The following ITSN2 variants were observed in gnomAD, a reference collection of about 807,000 sequenced individuals.
ITSN2 encodes intersectin-2.
ITSN2 carries 156 observed loss-of-function variants against 243.7 expected under a neutral mutation model. The ratio of observed to expected loss-of-function variants is 0.64; its 90% CI spans 0.56 to 0.73. The LOEUF (loss-of-function observed/expected upper bound fraction) is 0.73, where lower values mean the gene tolerates loss of function less well. Ranked by LOEUF, ITSN2 falls within the 30% of genes least tolerant of loss-of-function variation. The pLI, the probability that ITSN2 is intolerant of heterozygous loss-of-function variation, is 0.00. For missense variants in ITSN2, 1,801 were observed against 1,996.1 expected (o/e 0.90, Z 1.86); for synonymous variants, 703 against 699.9 (o/e 1.00, Z -0.07).
Position 24,261,678 on chromosome 2 carries a change from C to G in ITSN2, c.2420G>C (p.Trp807Ser), listed in dbSNP as rs757448690. 1 of 1,613,404 alleles carries G rather than the reference C, an allele frequency of 6.2e-7. No individual in the cohort carries two copies. ...LYGSFQGNFGWFPCNYVEKMP... is the reference protein window; with the variant it reads ...LYGSFQGNFGSFPCNYVEKMP... ...TTTTTCTACATAATTGCATGGAAAC[C>G]AGCCAAAATTTCCTTGAAAACTACC... The change falls in exon 21 of 40, where the codon TGG becomes TCG. Residue 807 changes from tryptophan (W) to serine (S), a missense_variant. By Grantham distance (177) the Trp-to-Ser change is radical. Transcript: ENST00000355123.
intron 29 of ITSN2, among the ~76,000 whole-genome samples, chr2:24,229,848 A>T (rs1369874815): frequency 6.6e-6 from 1 of 151,302 alleles, no homozygotes; most frequent in Non-Finnish European, 1.5e-5. Context: ...CCAGGTCACC[A>T]CCTCTCCTCT....
At position 24,284,819 on chromosome 2, in the gene ITSN2, G is replaced by A; in HGVS notation, c.1888C>T (p.Leu630Phe). 6.3e-7 allele frequency: 1 copy of A among 1,597,314 alleles called. No homozygotes were observed. Among genetic ancestry groups the A allele is most frequent in the Non-Finnish European group, 8.6e-7 (1 of 1,168,544 alleles). Residue 630 changes from leucine (L) to phenylalanine (F), a missense_variant, in exon 17 of 40, where the codon CTT (leucine) becomes TTT (phenylalanine). Transcript: ENST00000355123. The stretch of plus-strand genomic sequence containing the variant: ...CTTAGCAGAGACAAAAGGCACTGAA[G>A]AACAGAGTCATCCATATTCCCACAC... ...LKCGNMDDSV[L>F]QCLLSLLSCL...
At chr2:24,203,957 G>T (rs1668575734) in intron 39 of ITSN2, 174 bp from the exon 40 acceptor site, 1 of 676,076 alleles carries the variant, frequency 1.5e-6, no homozygotes, top group Non-Finnish European at 2.5e-6. Flanking sequence ...GCAGGTTTGT[G>T]TGTGAGAAGC....
At chr2:24,215,282 C>T (rs993408341) in intron 32 of ITSN2, among the ~76,000 whole-genome samples, 15 of 152,180 alleles carry the variant, frequency 9.9e-5, no homozygotes, top group African/African-American at 2.9e-4. Flanking sequence ...TTCCTGGTAT[C>T]GTCTTTGTTT....
intron 8 of ITSN2, among the ~76,000 whole-genome samples, chr2:24,306,622 A>C (rs554368187): frequency 4.8e-4 from 73 of 152,130 alleles, no homozygotes; most frequent in Non-Finnish European, 5.4e-4. Flanking sequence ...TTAGGTTGTG[A>C]ACATTTTTGT....
chr2:24,334,444 G>A (rs962880987), intron 1 of ITSN2: 3 of 544,396 alleles, frequency 5.5e-6, no homozygotes, highest in South Asian at 1.6e-5. Context: ...TAAAGTTTTT[G>A]TTTGTTAAGA....
intron 16 of ITSN2, among the ~76,000 whole-genome samples, chr2:24,285,343 T>C (rs1269877315): frequency 6.6e-6 from 1 of 152,214 alleles, no homozygotes; most frequent in Non-Finnish European, 1.5e-5. Flanking sequence ...TCACCTCAAA[T>C]TCCCTTTCCT....
intron 1 of ITSN2, among the ~76,000 whole-genome samples, chr2:24,344,188 C>T (rs182799258): frequency 9.9e-4 from 150 of 152,164 alleles, no homozygotes; most frequent in Non-Finnish European, 1.9e-3. Flanking sequence ...TATGGATATA[C>T]CAGAAATTAA....
rs1674458586 is a variant in ITSN2, at chr2:24,252,378, A to G, written c.3087T>C (p.Phe1029=). The change falls in exon 25 of 40, where the codon TTT becomes TTC. Residue 1029 remains phenylalanine (F), a synonymous_variant. Coordinates refer to ENST00000355123, the MANE Select transcript of ITSN2 (RefSeq NM_006277.3). ...CCTTTGGTTTGACATAGTTTGATGGAAAAATTCCACTTCTATCTCCAATAC... is the reference window on the plus strand; with the variant it reads ...CCTTTGGTTTGACATAGTTTGATGGGAAAATTCCACTTCTATCTCCAATAC... ...TGSIGDRSGI[F]PSNYVKPKDQ... is the part of the protein sequence containing the mutation. 6.2e-7 allele frequency: 1 copy of G among 1,612,860 alleles called. No homozygotes were observed.
chr2:24,301,729 T>C lies in ITSN2; in HGVS notation c.995+236A>G, dbSNP rs182956268. 2.7e-4 allele frequency among the ~76,000 whole-genome samples: 41 copies of C among 152,208 alleles called. No individual in the cohort carries two copies. The East Asian group carries it at 7.7e-3, about 29-fold the overall frequency. On this transcript the variant is annotated intron_variant, in intron 10 of 39. Transcript: ENST00000355123. ...TTTGTAGATACGGGGTCTCACTATG[T>C]TGTCCACGCTGGTCCTGAACTCCCG...
chr2:24,360,830 CT>C, upstream of ITSN2: 1 of 152,638 alleles, frequency 6.6e-6, no homozygotes, highest in Non-Finnish European at 1.5e-5. Flanking sequence ...TTGGGTGGTG[CT>C]TTTCCTGCCA....
intron 30 of ITSN2, among the ~76,000 whole-genome samples, chr2:24,219,623 A>G (rs534258419): frequency 6.6e-6 from 1 of 152,316 alleles, no homozygotes; most frequent in South Asian, 2.1e-4. Context: ...GAGGATGGTC[A>G]TAAGAAGGCC....
At chr2:24,346,055 C>T (rs1481200352) in intron 1 of ITSN2, among the ~76,000 whole-genome samples, 1 of 152,130 alleles carries the variant, frequency 6.6e-6, no homozygotes, top group African/African-American at 2.4e-5. Context: ...CCACCACTTG[C>T]GATGTCTAGC....
At chr2:24,285,050 C>T (rs1013539268) in intron 16 of ITSN2, among the ~76,000 whole-genome samples, 1 of 152,030 alleles carries the variant, frequency 6.6e-6, no homozygotes, top group Non-Finnish European at 1.5e-5. Context: ...GCGCATGCCA[C>T]TACGCCCAGC....
intron 17 of ITSN2, among the ~76,000 whole-genome samples, chr2:24,281,794 A>C (rs1337567319): frequency 1.3e-5 from 2 of 152,078 alleles, no homozygotes; most frequent in African/African-American, 4.8e-5. Flanking sequence ...CCAGCTATAA[A>C]CCTTGCCTCA....
In ITSN2 at chr2:24,333,283, G is replaced by A. The variant is rs76293831; in HGVS notation, c.-33-5168C>T. Among the ~76,000 whole-genome samples the A allele has an allele frequency of 2.0e-3, 308 of 152,286 alleles. 2 individuals are homozygous for A. Among genetic ancestry groups the A allele is most frequent in the African/African-American group, 7.4e-3 (306 of 41,552 alleles). On this transcript the variant is annotated intron_variant, in intron 1 of 39. Coordinates refer to ENST00000355123, the MANE Select transcript of ITSN2 (RefSeq NM_006277.3). ...CATTTGTCCAGGAGAAGAAAAACAA[G>A]CCAGAGATGACTCCCAACACACTGG...
rs1002870954 is a variant in ITSN2 at position 24,261,576 on chromosome 2, G to A, written c.2522C>T (p.Thr841Ile). ...LLPPTVSLSATSTSSEPLSSN... is the reference protein window; with the variant it reads ...LLPPTVSLSAISTSSEPLSSN... ...AAAAACTTACTCAGAGGAAGTTGAG[G>A]TAGCAGATAAAGAAACTGTAGGAGG... The change falls in exon 21 of 40, where the codon ACC (threonine) becomes ATC (isoleucine). Residue 841 changes from threonine to isoleucine, a missense_variant. This residue lies in a region of ITSN2 where 928 missense variants were observed against 1,065.4 expected (regional missense o/e 0.87). Transcript: ENST00000355123. 6.2e-7 allele frequency: 1 copy of A among 1,611,686 alleles called. No homozygotes were observed. Among genetic ancestry groups the A allele is most frequent in the Non-Finnish European group, 8.5e-7 (1 of 1,178,948 alleles).
intron 8 of ITSN2, among the ~76,000 whole-genome samples, chr2:24,305,287 G>A (rs1177954619): frequency 1.3e-5 from 2 of 151,980 alleles, no homozygotes; most frequent in Non-Finnish European, 2.9e-5. Context: ...AGGGGGAGGA[G>A]AAGAGAAGTA....
chr2:24,273,982 C>T (rs1422129160), intron 18 of ITSN2, among the ~76,000 whole-genome samples: 3 of 152,198 alleles, frequency 2.0e-5, no homozygotes, highest in African/African-American at 7.2e-5. Context: ...TCTTTGATTT[C>T]TCTTCTCTAC....
Sources: gnomAD v4.1 joint callset for allele counts (sites outside exome capture counted in the v4.1 genomes callset) on GRCh38, gnomAD v4.1.1 for gene constraint, gnomAD v4.1.1 regional missense constraint, MANE v1.5 for transcripts, NCBI Gene and HGNC (gene_info 2026-07-23, HGNC 2026-07-21) for gene names.